The following MGAT5 variants were observed in gnomAD, a reference collection of about 807,000 sequenced individuals.
MGAT5 encodes the protein alpha-1,6-mannosylglycoprotein 6-beta-N-acetylglucosaminyltransferase.
A neutral mutation model predicts 94.3 loss-of-function variants in MGAT5; 30 were observed. The ratio of observed to expected loss-of-function variants is 0.32; its 90% CI spans 0.24 to 0.43. The LOEUF (loss-of-function observed/expected upper bound fraction) is 0.43, where lower values mean the gene tolerates loss of function less well. MGAT5 is among the 20% of genes least tolerant of loss of function. The pLI is 1.00. For missense variants in MGAT5, 691 were observed against 905.5 expected (o/e 0.76, Z 3.04); for synonymous variants, 310 against 322.9 (o/e 0.96, Z 0.43).
intron 2 of MGAT5, among the ~76,000 whole-genome samples, chr2:134,281,727 G>A (rs1684707217): frequency 6.6e-6 from 1 of 152,158 alleles, no homozygotes; most frequent in African/African-American, 2.4e-5. Flanking sequence ...AAATGGGGAG[G>A]GGAACTCCTG....
At chr2:134,272,698 G>GT (rs1227846614) in intron 2 of MGAT5, among the ~76,000 whole-genome samples, 1 of 152,178 alleles carries the variant, frequency 6.6e-6, no homozygotes, top group African/African-American at 2.4e-5. Context: ...TCTGAGAAGG[G>GT]TTTTCACAGG....
At chr2:134,440,451 G>A (rs1158940482) in intron 14 of MGAT5, among the ~76,000 whole-genome samples, 1 of 152,164 alleles carries the variant, frequency 6.6e-6, no homozygotes, top group Non-Finnish European at 1.5e-5. Context: ...CACCTGAGGT[G>A]AACTGGCGTG....
At chr2:134,271,549 A>G (rs1684027065) in intron 2 of MGAT5, among the ~76,000 whole-genome samples, 1 of 152,100 alleles carries the variant, frequency 6.6e-6, no homozygotes, top group African/African-American at 2.4e-5. Context: ...AAAAATTCAC[A>G]CACTTAAGTG....
At chr2:134,370,652 C>A (rs1271670669) in intron 10 of MGAT5, among the ~76,000 whole-genome samples, 4 of 152,254 alleles carry the variant, frequency 2.6e-5, no homozygotes, top group Non-Finnish European at 4.4e-5. Flanking sequence ...CTCACCAAGC[C>A]ATGGTTACCT....
intron 10 of MGAT5, among the ~76,000 whole-genome samples, chr2:134,398,144 C>T (rs956373789): frequency 2.6e-5 from 4 of 152,162 alleles, no homozygotes; most frequent in African/African-American, 9.7e-5. Flanking sequence ...GAGATATTAG[C>T]AAATACTTAA....
At chr2:134,387,154 G>A (rs960119410) in intron 10 of MGAT5, among the ~76,000 whole-genome samples, 9 of 151,190 alleles carry the variant, frequency 6.0e-5, no homozygotes, top group Non-Finnish European at 1.2e-4. Context: ...CCAGCTACTC[G>A]GGAGGCTGAG....
chr2:134,148,187 T>C (rs1004328712), intron 1 of MGAT5, among the ~76,000 whole-genome samples: 17 of 152,234 alleles, frequency 1.1e-4, no homozygotes, highest in African/African-American at 4.1e-4. Flanking sequence ...CTTCATCAGA[T>C]TGCTGGGGGA....
chr2:134,191,369 C>A (rs1275005264), intron 1 of MGAT5, among the ~76,000 whole-genome samples: 2 of 152,238 alleles, frequency 1.3e-5, no homozygotes, highest in East Asian at 3.9e-4. Context: ...CTCAACCCTC[C>A]TGAATAGATG....
intron 1 of MGAT5, among the ~76,000 whole-genome samples, chr2:134,213,700 A>G (rs1027895002): frequency 6.6e-6 from 1 of 152,194 alleles, no homozygotes; most frequent in Admixed American, 6.5e-5. Context: ...ACATTTACTT[A>G]TATTTGCTGG....
intron 4 of MGAT5, among the ~76,000 whole-genome samples, chr2:134,327,839 A>G (rs942845402): frequency 1.3e-5 from 2 of 152,036 alleles, no homozygotes; most frequent in Admixed American, 6.6e-5. Flanking sequence ...TTTTATTTTC[A>G]TTGTCACTTA....
chr2:134,442,419 A>C (rs537578178), intron 15 of MGAT5, among the ~76,000 whole-genome samples: 1 of 152,284 alleles, frequency 6.6e-6, no homozygotes, highest in African/African-American at 2.4e-5. Context: ...AAAACTGCCC[A>C]CAACAATCTC....
At chr2:134,407,361 G>A (rs1423578591) in intron 11 of MGAT5, among the ~76,000 whole-genome samples, 3 of 152,098 alleles carry the variant, frequency 2.0e-5, no homozygotes, top group Non-Finnish European at 4.4e-5. Context: ...ATCTAGATGG[G>A]GAAAAAATTG....
rs1431641306 is a variant in MGAT5, at chr2:134,276,700, A to G, written c.406+6150A>G. On this transcript the variant is annotated intron_variant, in intron 2 of 15. Transcript: ENST00000281923. ...TTGATGAGAGGTTTAAAGTAGGAGG[A>G]TGAATAGGTGTGAGGTCTGTATTTC... is the stretch of plus-strand genomic sequence containing the variant. Among the ~76,000 whole-genome samples, 7 of 152,122 alleles carry G rather than the reference A, an allele frequency of 4.6e-5. No individual in the cohort carries two copies. The East Asian group carries it at 1.3e-3, about 29-fold the overall frequency.
At chr2:134,297,421 C>T (rs1685743216) in intron 2 of MGAT5, among the ~76,000 whole-genome samples, 1 of 151,942 alleles carries the variant, frequency 6.6e-6, no homozygotes, top group Admixed American at 6.6e-5. Flanking sequence ...ACCCTGTTAC[C>T]AAAGCTAGAC....
chr2:134,326,744 G>A (rs1407474012), intron 4 of MGAT5, among the ~76,000 whole-genome samples: 1 of 152,112 alleles, frequency 6.6e-6, no homozygotes, highest in African/African-American at 2.4e-5. Flanking sequence ...TGCCTGGGGA[G>A]AAATACTAAA....
At chr2:134,236,577 A>G (rs992505992) in intron 1 of MGAT5, among the ~76,000 whole-genome samples, 2 of 152,084 alleles carry the variant, frequency 1.3e-5, no homozygotes, top group Non-Finnish European at 2.9e-5. Flanking sequence ...TGCTGCCACC[A>G]TGTGAAGAAG....
chr2:134,161,372 T>A (rs2105065743), intron 1 of MGAT5, among the ~76,000 whole-genome samples: 1 of 152,342 alleles, frequency 6.6e-6, no homozygotes, highest in Admixed American at 6.5e-5. Context: ...CTTTGTGTTA[T>A]CAGACCATTG....
intron 10 of MGAT5, among the ~76,000 whole-genome samples, chr2:134,363,502 A>G (rs1680229243): frequency 2.0e-5 from 3 of 152,208 alleles, no homozygotes; most frequent in African/African-American, 7.2e-5. Context: ...GTAGTTCTCA[A>G]CTGCAGACGA....
Position 134,448,898 on chromosome 2 carries a change from A to T in MGAT5, c.*51A>T. 6.4e-7 allele frequency: 1 copy of T among 1,563,478 alleles called. No homozygotes were observed. Among genetic ancestry groups the T allele is most frequent in the South Asian group, 1.1e-5 (1 of 88,214 alleles). ...TGCTGCTGGGGAAGACAGTGGCCCC[A>T]GCCCCGTCAGGCAGGGCCAGGGACA... On this transcript the variant is annotated 3_prime_UTR_variant, in exon 16 of 16. Transcript: ENST00000281923.
Sources: gnomAD v4.1 joint callset for allele counts (sites outside exome capture counted in the v4.1 genomes callset) on GRCh38, gnomAD v4.1.1 for gene constraint, MANE v1.5 for transcripts, NCBI Gene and HGNC (gene_info 2026-07-23, HGNC 2026-07-21) for gene names.